The following KCTD8 variants were observed in gnomAD, a reference collection of about 807,000 sequenced individuals.
KCTD8 encodes BTB/POZ domain-containing protein KCTD8.
Under a neutral mutation model 31.5 loss-of-function variants are expected in KCTD8, and 27 were observed. That is an observed-to-expected ratio of 0.86 (90% CI 0.63 to 1.18). The LOEUF (loss-of-function observed/expected upper bound fraction) is 1.18. KCTD8 is among the 50% of genes most tolerant of loss of function. The pLI is 0.00. For synonymous variants in KCTD8, 290 were observed against 280.0 expected, an observed-to-expected ratio of 1.04 and a Z score of -0.36; for missense variants, 658 against 647.7, an observed-to-expected ratio of 1.02 and a Z score of -0.17.
rs548126131 is a variant in KCTD8 at position 44,202,423 on chromosome 4, T to C, written c.962-27173A>G. ...ATTAGATTTAAATAAGTAGTACATA[T>C]ACACCATGAAATACTATGCAGTCAT... On this transcript the variant is annotated intron_variant, in intron 1 of 1. Transcript: ENST00000360029. Among the ~76,000 whole-genome samples the C allele has an allele frequency of 2.6e-5, 4 of 152,284 alleles. No homozygotes were observed. In the South Asian group the frequency reaches 8.3e-4, roughly 32 times the overall value.
chr4:44,356,850 C>T lies in KCTD8; in HGVS notation c.961+90713G>A, dbSNP rs369360567. On this transcript the variant is annotated intron_variant, in intron 1 of 1. Coordinates refer to ENST00000360029, the MANE Select transcript of KCTD8 (RefSeq NM_198353.3). The stretch of plus-strand genomic sequence containing the variant: ...ATTCCATTTCTGTCTCAGACACCTG[C>T]TGTCCACGGAACTTGGAGACTTGTC... 2.6e-5 allele frequency among the ~76,000 whole-genome samples: 4 copies of T among 152,298 alleles called. No individual in the cohort carries two copies. In the East Asian group the frequency reaches 5.8e-4, roughly 22 times the overall value.
intron 1 of KCTD8, among the ~76,000 whole-genome samples, chr4:44,435,920 T>A (rs1402329838): frequency 6.6e-6 from 1 of 152,120 alleles, no homozygotes; most frequent in Non-Finnish European, 1.5e-5. Context: ...CTGCCTTTCC[T>A]CTGTGAACAA....
At chr4:44,298,959 A>C (rs1717525839) in intron 1 of KCTD8, among the ~76,000 whole-genome samples, 1 of 152,208 alleles carries the variant, frequency 6.6e-6, no homozygotes. Context: ...AGTTGTAAAA[A>C]AAAGTTCCAA....
chr4:44,239,090 G>A (rs1363301885), intron 1 of KCTD8, among the ~76,000 whole-genome samples: 1 of 152,038 alleles, frequency 6.6e-6, no homozygotes, highest in Non-Finnish European at 1.5e-5. Flanking sequence ...TATGATTTAG[G>A]GTAATGATGC....
At chr4:44,412,507 T>C (rs1720985782) in intron 1 of KCTD8, among the ~76,000 whole-genome samples, 1 of 152,164 alleles carries the variant, frequency 6.6e-6, no homozygotes, top group Non-Finnish European at 1.5e-5. Context: ...GAAAAATGTT[T>C]GTATCCACAA....
At chr4:44,377,067 C>T (rs995613548) in intron 1 of KCTD8, among the ~76,000 whole-genome samples, 2 of 152,150 alleles carry the variant, frequency 1.3e-5, no homozygotes, top group South Asian at 2.1e-4. Context: ...ATAAATCAAA[C>T]GAAGCTACTG....
intron 1 of KCTD8, among the ~76,000 whole-genome samples, chr4:44,402,637 TACACTTAGATTTTTAG>T (rs1720693206): frequency 6.6e-6 from 1 of 152,124 alleles, no homozygotes; most frequent in African/African-American, 2.4e-5. Flanking sequence ...GAAATGTATT[TACACTTAGATTTTTAG>T]AAAATTTGCA....
Position 44,174,827 on chromosome 4 carries a change from TGGC to T in KCTD8, c.1382_1384del (p.Arg461del), listed in dbSNP as rs751164436. On this transcript the variant is annotated inframe_deletion, in exon 2 of 2. Coordinates refer to ENST00000360029, the MANE Select transcript of KCTD8 (RefSeq NM_198353.3). ...CTTCTGCAACAGTTCAGATTGCCATTGGCGTTTGCGCTCTGGAAAATAATCTGG... is the reference window on the plus strand; with the variant it reads ...CTTCTGCAACAGTTCAGATTGCCATTGTTTGCGCTCTGGAAAATAATCTGG... 1 of 1,612,410 alleles carries T rather than the reference TGGC, an allele frequency of 6.2e-7. No homozygotes were observed. Among genetic ancestry groups the T allele is most frequent in the Non-Finnish European group, 8.5e-7 (1 of 1,179,220 alleles).
At chr4:44,316,630 ATCT>A (rs1718116145) in intron 1 of KCTD8, among the ~76,000 whole-genome samples, 1 of 151,858 alleles carries the variant, frequency 6.6e-6, no homozygotes, top group African/African-American at 2.4e-5. Context: ...TCAGCAGGTA[ATCT>A]TCTTATAGTT....
intron 1 of KCTD8, among the ~76,000 whole-genome samples, chr4:44,329,804 C>T (rs1718548109): frequency 1.3e-5 from 2 of 151,880 alleles, no homozygotes; most frequent in Non-Finnish European, 2.9e-5. Context: ...TCTTGAGATA[C>T]AAATAATTCT....
intron 1 of KCTD8, among the ~76,000 whole-genome samples, chr4:44,203,577 G>C (rs1714215241): frequency 6.7e-6 from 1 of 149,234 alleles, no homozygotes; most frequent in Non-Finnish European, 1.5e-5. Flanking sequence ...ACTGAAAATA[G>C]AGCAAAGTAA....
intron 1 of KCTD8, among the ~76,000 whole-genome samples, chr4:44,181,330 T>C (rs1367930089): frequency 6.6e-6 from 1 of 152,104 alleles, no homozygotes; most frequent in Non-Finnish European, 1.5e-5. Flanking sequence ...CATCTCTGCT[T>C]ACTGCAACCT....
intron 1 of KCTD8, among the ~76,000 whole-genome samples, chr4:44,394,596 A>C (rs973516451): frequency 1.3e-5 from 2 of 152,058 alleles, no homozygotes; most frequent in African/African-American, 4.8e-5. Context: ...CCTGGCTTCA[A>C]ATCTGTCTCT....
intron 1 of KCTD8, among the ~76,000 whole-genome samples, chr4:44,255,841 C>G (rs960056704): frequency 6.6e-6 from 1 of 151,892 alleles, no homozygotes; most frequent in Non-Finnish European, 1.5e-5. Flanking sequence ...GCAAATATAT[C>G]TTAAACAGGA....
At chr4:44,440,517 T>A (rs948744575) in intron 1 of KCTD8, among the ~76,000 whole-genome samples, 12 of 152,226 alleles carry the variant, frequency 7.9e-5, no homozygotes, top group Non-Finnish European at 1.5e-4. Context: ...CTTATTCATA[T>A]GTGTATGTCT....
At chr4:44,242,609 A>G (rs779147569) in intron 1 of KCTD8, among the ~76,000 whole-genome samples, 5 of 145,840 alleles carry the variant, frequency 3.4e-5, no homozygotes, top group Non-Finnish European at 7.6e-5. Flanking sequence ...CAAACAAAAC[A>G]AAAAAAAAAC....
intron 1 of KCTD8, among the ~76,000 whole-genome samples, chr4:44,308,530 T>C (rs1324456790): frequency 1.3e-5 from 2 of 151,950 alleles, no homozygotes; most frequent in South Asian, 4.1e-4. Context: ...AAGATCTATA[T>C]GATTTTGTAT....
chr4:44,253,499 C>T (rs1274932198), intron 1 of KCTD8, among the ~76,000 whole-genome samples: 1 of 151,730 alleles, frequency 6.6e-6, no homozygotes, highest in African/African-American at 2.4e-5. Context: ...TCCAATAGAA[C>T]ATTGCAGGAA....
At position 44,447,755 on chromosome 4, in the gene KCTD8, C is replaced by G. The variant is rs142886340; in HGVS notation, c.769G>C (p.Asp257His). 6.2e-6 allele frequency: 10 copies of G among 1,611,778 alleles called. No individual in the cohort carries two copies. The highest frequency in any genetic ancestry group is 1.1e-5 in the South Asian group (1 of 90,546). ...VFGDTLNESR[D>H]PDRQPEKYTS... is the part of the protein sequence containing the mutation. ...TACTTCTCCGGCTGCCGGTCGGGGT[C>G]GCGGCTCTCGTTGAGCGTGTCCCCG... Residue 257 changes from aspartate (D) to histidine (H), a missense_variant, in exon 1 of 2, where the codon GAC (aspartate) becomes CAC (histidine). Physicochemically the swap from Asp to His is moderately conservative, Grantham distance 81 (BLOSUM62 -1). Coordinates refer to ENST00000360029, the MANE Select transcript of KCTD8 (RefSeq NM_198353.3).
Sources: allele counts gnomAD v4.1 joint callset (sites outside exome capture counted in the v4.1 genomes callset), GRCh38; gene constraint gnomAD v4.1.1; transcripts MANE v1.5; gene names NCBI Gene and HGNC (gene_info 2026-07-23, HGNC 2026-07-21).